CPQ: variants seen among roughly 807,000 people sequenced by gnomAD.
CPQ encodes carboxypeptidase Q.
A neutral mutation model predicts 45.7 loss-of-function variants in CPQ; 37 were observed. That is an observed-to-expected ratio of 0.81 (90% CI 0.62 to 1.07). CPQ has a LOEUF of 1.07. Among genes scored for constraint, CPQ ranks in the 50% least tolerant of loss-of-function variants. The probability of loss-of-function intolerance (pLI) is 0.00; values close to 1 mark genes in which losing one functional copy is unlikely to be tolerated. For synonymous variants in CPQ, 186 were observed against 205.8 expected (o/e 0.90, Z 0.82); for missense variants, 537 against 572.9 (o/e 0.94, Z 0.64).
intron 1 of CPQ, among the ~76,000 whole-genome samples, chr8:96,744,726 C>T (rs1810152175): frequency 6.6e-6 from 1 of 152,074 alleles, no homozygotes; most frequent in Admixed American, 6.6e-5. Flanking sequence ...GATGGTGTCT[C>T]TTGCAATAAC....
intron 1 of CPQ, among the ~76,000 whole-genome samples, chr8:96,672,033 T>C (rs913261965): frequency 1.3e-5 from 2 of 152,162 alleles, no homozygotes; most frequent in East Asian, 1.9e-4. Flanking sequence ...TCTCCTTTGA[T>C]AGAATCAGAT....
chr8:96,860,930 A>C (rs1042568615), intron 3 of CPQ, among the ~76,000 whole-genome samples: 1 of 152,160 alleles, frequency 6.6e-6, no homozygotes, highest in African/African-American at 2.4e-5. Context: ...TTGGTAATAA[A>C]TGCTGGTTTA....
Position 96,757,010 on chromosome 8 carries a change from C to T in CPQ, c.-34-27854C>T, listed in dbSNP as rs568015309. ...TTTTCTGAAAATGTATTTATTTTTC[C>T]CTAATCCTTGACTGATAGTTTTGGT... On this transcript the variant is annotated intron_variant, in intron 1 of 7. Transcript: ENST00000220763. Among the ~76,000 whole-genome samples the T allele has an allele frequency of 6.6e-5, 10 of 151,944 alleles. No individual in the cohort carries two copies. The South Asian group carries it at 2.1e-3, about 32-fold the overall frequency.
chr8:96,958,109 C>T (rs1335414203), intron 4 of CPQ, among the ~76,000 whole-genome samples: 1 of 151,846 alleles, frequency 6.6e-6, no homozygotes, highest in Non-Finnish European at 1.5e-5. Flanking sequence ...CCAAAGTGCT[C>T]AGATTACATG....
chr8:96,823,772 A>C (rs1048650367), intron 2 of CPQ, among the ~76,000 whole-genome samples: 1 of 152,044 alleles, frequency 6.6e-6, no homozygotes, highest in African/African-American at 2.4e-5. Flanking sequence ...CACTGAGTTA[A>C]TGTAAGTAAA....
intron 1 of CPQ, among the ~76,000 whole-genome samples, chr8:96,772,642 A>T (rs540304443): frequency 1.5e-4 from 23 of 152,130 alleles, no homozygotes; most frequent in Middle Eastern, 3.4e-3. Context: ...TAAGAAGGAG[A>T]GCAGAGTGAG....
intron 4 of CPQ, among the ~76,000 whole-genome samples, chr8:96,926,570 CTCTTCCTCTTCTTCT>C (rs1406533112): frequency 4.7e-4 from 22 of 46,678 alleles, no homozygotes; most frequent in Admixed American, 1.7e-3. Flanking sequence ...CTTCCTCTTC[CTCTTCCTCTTCTTCT>C]TCTTCTTCTT....
At chr8:96,912,881 G>A (rs546961394) in intron 4 of CPQ, among the ~76,000 whole-genome samples, 4 of 152,124 alleles carry the variant, frequency 2.6e-5, no homozygotes, top group African/African-American at 7.2e-5. Context: ...ATGAGGAGGC[G>A]CAGTGGAAGA....
intron 6 of CPQ, among the ~76,000 whole-genome samples, chr8:97,063,255 C>G (rs1481827200): frequency 1.3e-5 from 2 of 151,996 alleles, no homozygotes; most frequent in Admixed American, 1.3e-4. Flanking sequence ...TTTTCATATG[C>G]TTGTTGGCCA....
At chr8:96,653,406 A>G (rs2130705439) in intron 1 of CPQ, among the ~76,000 whole-genome samples, 1 of 152,050 alleles carries the variant, frequency 6.6e-6, no homozygotes. Context: ...CCATTTTTTA[A>G]TCAGGTTGCT....
chr8:96,883,761 A>G (rs1812262512), intron 4 of CPQ, among the ~76,000 whole-genome samples: 1 of 152,170 alleles, frequency 6.6e-6, no homozygotes, highest in Non-Finnish European at 1.5e-5. Context: ...CTTTGATAAC[A>G]TTCCCCTCAT....
intron 2 of CPQ, among the ~76,000 whole-genome samples, chr8:96,831,341 AAAATT>A (rs1811458362): frequency 6.6e-6 from 1 of 152,188 alleles, no homozygotes; most frequent in African/African-American, 2.4e-5. Context: ...TGCTGTAAAA[AAAATT>A]AAACAAGCTA....
chr8:96,874,911 G>A (rs1278000271), intron 3 of CPQ, among the ~76,000 whole-genome samples: 1 of 151,880 alleles, frequency 6.6e-6, no homozygotes, highest in African/African-American at 2.4e-5. Flanking sequence ...TTGAAGAACT[G>A]TCAAATTGTT....
Position 96,759,566 on chromosome 8 carries a change from A to G in CPQ, c.-34-25298A>G, listed in dbSNP as rs535637943. ...TGTAATAATACCATCTAAAATTTCT[A>G]TGCTGTATCTCTCACAGAGTGCTTT... is the stretch of plus-strand genomic sequence containing the variant. On this transcript the variant is annotated intron_variant, in intron 1 of 7. Transcript: ENST00000220763. 7.2e-5 allele frequency among the ~76,000 whole-genome samples: 11 copies of G among 152,272 alleles called. 1 individual carries two copies. The highest frequency in any genetic ancestry group is 2.1e-4 in the South Asian group (1 of 4,830).
intron 7 of CPQ, among the ~76,000 whole-genome samples, chr8:97,107,697 G>T (rs980960655): frequency 6.6e-6 from 1 of 152,130 alleles, no homozygotes; most frequent in Non-Finnish European, 1.5e-5. Context: ...GAGATGTATG[G>T]CTGGAGAAGG....
intron 4 of CPQ, among the ~76,000 whole-genome samples, chr8:96,951,442 A>G (rs1813263951): frequency 6.6e-6 from 1 of 152,132 alleles, no homozygotes; most frequent in Non-Finnish European, 1.5e-5. Flanking sequence ...GGTCAAAACT[A>G]GCCCCTGGTG....
chr8:97,037,173 T>G (rs1209326690), intron 6 of CPQ, among the ~76,000 whole-genome samples: 3 of 152,232 alleles, frequency 2.0e-5, no homozygotes, highest in African/African-American at 7.2e-5. Flanking sequence ...CAACCTGCAT[T>G]AGGTTTCATG....
At chr8:96,992,251 C>T (rs1367432643) in intron 5 of CPQ, among the ~76,000 whole-genome samples, 2 of 152,162 alleles carry the variant, frequency 1.3e-5, no homozygotes, top group Non-Finnish European at 2.9e-5. Flanking sequence ...CCTGAGGATG[C>T]ACTTGTGTCT....
chr8:96,758,609 A>G (rs898228317), intron 1 of CPQ, among the ~76,000 whole-genome samples: 3 of 152,226 alleles, frequency 2.0e-5, no homozygotes, highest in African/African-American at 4.8e-5. Context: ...CCTATCATAC[A>G]TAATAGCCTG....
Sources: gnomAD v4.1 joint callset for allele counts (sites outside exome capture counted in the v4.1 genomes callset) on GRCh38, gnomAD v4.1.1 for gene constraint, MANE v1.5 for transcripts, NCBI Gene and HGNC (gene_info 2026-07-23, HGNC 2026-07-21) for gene names.